The following NBAS variants were observed in gnomAD, a reference collection of about 807,000 sequenced individuals.
The protein encoded by NBAS is NAG/BC035112 fusion.
NBAS carries 219 observed loss-of-function variants against 302.5 expected under a neutral mutation model. The observed-to-expected ratio is 0.72, with a 90% CI of 0.65 to 0.81. The LOEUF (loss-of-function observed/expected upper bound fraction) is 0.81, where lower values mean the gene tolerates loss of function less well. Among genes scored for constraint, NBAS ranks in the 30% least tolerant of loss-of-function variants. The pLI is 0.00. For synonymous variants in NBAS, 1,118 were observed against 1,021.6 expected, an observed-to-expected ratio of 1.09 and a Z score of -1.80; for missense variants, 2,932 against 2,841.6, an observed-to-expected ratio of 1.03 and a Z score of -0.72.
chr2:15,093,557 C>T, the NBAS span, among the ~76,000 whole-genome samples: 1 of 152,236 alleles, frequency 6.6e-6, no homozygotes, highest in Non-Finnish European at 1.5e-5. Flanking sequence ...TGTTTACACA[C>T]TTTGACCCAG....
the NBAS span, among the ~76,000 whole-genome samples, chr2:14,908,619 A>G: frequency 6.6e-6 from 1 of 152,216 alleles, no homozygotes; most frequent in Non-Finnish European, 1.5e-5. Context: ...TGCCAGGAGT[A>G]TTACTACAAA....
the NBAS span, among the ~76,000 whole-genome samples, chr2:14,941,313 C>T: frequency 6.6e-6 from 1 of 152,178 alleles, no homozygotes; most frequent in African/African-American, 2.4e-5. Context: ...AGCCTCTTTT[C>T]CACCCAGAGC....
At chr2:15,091,360 C>A in the NBAS span, among the ~76,000 whole-genome samples, 1 of 152,074 alleles carries the variant, frequency 6.6e-6, no homozygotes, top group Non-Finnish European at 1.5e-5. Context: ...GAGACAGTAA[C>A]CCCTCCTCTT....
chr2:15,241,662 T>TG (rs1322080272), intron 44 of NBAS, among the ~76,000 whole-genome samples: 1 of 152,232 alleles, frequency 6.6e-6, no homozygotes, highest in Non-Finnish European at 1.5e-5. Flanking sequence ...CACAGTGCCT[T>TG]GCCCATAGTA....
At chr2:14,935,744 C>A in the NBAS span, among the ~76,000 whole-genome samples, 1 of 152,194 alleles carries the variant, frequency 6.6e-6, no homozygotes, top group Non-Finnish European at 1.5e-5. Flanking sequence ...GAAGAGTCTG[C>A]ATGTGTGCCC....
chr2:15,480,456 C>A (rs1258631056), intron 12 of NBAS, among the ~76,000 whole-genome samples: 6 of 150,724 alleles, frequency 4.0e-5, no homozygotes, highest in Admixed American at 4.0e-4. Context: ...TAATATAATC[C>A]AAGATCACAT....
chr2:15,415,802 G>T, intron 24 of NBAS, 83 bp from the exon 25 acceptor site: 1 of 1,431,094 alleles, frequency 7.0e-7, no homozygotes, highest in Non-Finnish European at 9.9e-7. Flanking sequence ...GAGTTCTAAA[G>T]CTTACAGGTC....
the NBAS span, among the ~76,000 whole-genome samples, chr2:14,982,958 T>C: frequency 5.3e-5 from 8 of 152,064 alleles, no homozygotes; most frequent in Non-Finnish European, 7.4e-5. Flanking sequence ...TAATTATCTG[T>C]GGAAAGAGGA....
At chr2:15,232,551 T>C (rs769213966) in intron 46 of NBAS, 40 bp from the exon 47 acceptor site, 1 of 1,584,594 alleles carries the variant, frequency 6.3e-7, no homozygotes, top group Admixed American at 1.7e-5. Context: ...AAAGGATCAC[T>C]CAAGTCTCAG....
the NBAS span, among the ~76,000 whole-genome samples, chr2:15,015,012 C>T: frequency 1.3e-5 from 2 of 151,556 alleles, no homozygotes; most frequent in African/African-American, 2.4e-5. Context: ...AAATATATGC[C>T]AATAAATTTG....
At chr2:14,867,813 A>G in the NBAS span, among the ~76,000 whole-genome samples, 1 of 152,184 alleles carries the variant, frequency 6.6e-6, no homozygotes, top group Non-Finnish European at 1.5e-5. Flanking sequence ...AAACGTGCTT[A>G]CCCATATTTT....
In NBAS at chr2:15,528,887, A is replaced by ATATATATGTGTGTG. The variant is rs1173987792; in HGVS notation, c.746+5655_746+5656insCACACACATATATA. Among the ~76,000 whole-genome samples, 44 of 144,394 alleles carry ATATATATGTGTGTG rather than the reference A, an allele frequency of 3.0e-4. 1 individual carries two copies. The highest frequency in any genetic ancestry group is 6.3e-4 in the Admixed American group (9 of 14,336). The allele number at this position is 144,394 out of a possible 152,430, so 94.7% of individuals were successfully genotyped here. A position where few individuals can be genotyped will look rare whatever the true frequency, so the allele number is the denominator to read the frequency against. On this transcript the variant is annotated intron_variant, in intron 9 of 51. Transcript: ENST00000281513. ...ATCTCAAAAAAAAAAAAATATATAT[A>ATATATATGTGTGTG]TATATATATATGTGTGTATATATAT...
chr2:15,496,097 TAC>T (rs61047968), intron 11 of NBAS, among the ~76,000 whole-genome samples: 8,012 of 143,812 alleles, frequency 0.056, 381 homozygotes, highest in African/African-American at 0.14. Flanking sequence ...CATATACAGA[TAC>T]ACACACACAC....
chr2:15,396,385 G>GGAA, intron 27 of NBAS, 28 bp downstream of exon 27: 1 of 1,302,960 alleles, frequency 7.7e-7, no homozygotes, highest in African/African-American at 1.5e-5. Flanking sequence ...TAAGCATGGA[G>GGAA]AAAAAAAAAA....
At chr2:15,545,707 C>A (rs1269303946) in intron 6 of NBAS, among the ~76,000 whole-genome samples, 1 of 152,176 alleles carries the variant, frequency 6.6e-6, no homozygotes, top group African/African-American at 2.4e-5. Flanking sequence ...TGAATTCCAT[C>A]AAACATTTAA....
chr2:15,108,346 A>G, the NBAS span, among the ~76,000 whole-genome samples: 1 of 152,092 alleles, frequency 6.6e-6, no homozygotes, highest in Non-Finnish European at 1.5e-5. Context: ...CAGCTCATAG[A>G]GGGTAAATGA....
At chr2:15,441,169 C>A (rs1344311615) in intron 21 of NBAS, among the ~76,000 whole-genome samples, 2 of 152,150 alleles carry the variant, frequency 1.3e-5, no homozygotes, top group African/African-American at 2.4e-5. Context: ...CACAAAGATA[C>A]TCATTGAGAA....
chr2:15,410,189 T>C (rs1036717488), intron 25 of NBAS, among the ~76,000 whole-genome samples: 9 of 152,250 alleles, frequency 5.9e-5, no homozygotes, highest in African/African-American at 2.2e-4. Context: ...GTCTTATTTC[T>C]TCTTTTTCTT....
intron 44 of NBAS, among the ~76,000 whole-genome samples, chr2:15,250,415 T>C (rs2147984053): frequency 6.6e-6 from 1 of 152,210 alleles, no homozygotes; most frequent in Middle Eastern, 3.4e-3. Flanking sequence ...AAAGACTTAA[T>C]GACTAAAACA....
Sources: allele counts gnomAD v4.1 joint callset (sites outside exome capture counted in the v4.1 genomes callset), GRCh38; gene constraint gnomAD v4.1.1; transcripts MANE v1.5; gene names NCBI Gene and HGNC (gene_info 2026-07-23, HGNC 2026-07-21).